Variants in PDS5B observed in about 807,000 individuals in gnomAD.
The protein encoded by PDS5B is PDS5 cohesin associated factor B.
Under a neutral mutation model 184.1 loss-of-function variants are expected in PDS5B, and 51 were observed. The observed-to-expected ratio is 0.28, with a 90% CI of 0.22 to 0.35. The LOEUF is 0.35. Ranked by LOEUF, PDS5B falls within the 10% of genes least tolerant of loss-of-function variation. The pLI is 1.00. For missense variants in PDS5B, 1,180 were observed against 1,723.3 expected (o/e 0.68, Z 5.58); for synonymous variants, 566 against 569.2 (o/e 0.99, Z 0.08).
chr13:32,681,460 TA>T (rs1260454475), intron 10 of PDS5B, among the ~76,000 whole-genome samples: 31 of 152,022 alleles, frequency 2.0e-4, no homozygotes, highest in Admixed American at 2.0e-3. Context: ...CCACCTCTAC[TA>T]AAAAATACAA....
Position 32,776,763 on chromosome 13 carries a change from C to T in PDS5B, c.*1711C>T, listed in dbSNP as rs1191819745. ...TGGAAAATGACATTTTACTATTTGC[C>T]AATGTATATTGCAATTGATGTGATT... On this transcript the variant is annotated 3_prime_UTR_variant, in exon 35 of 35. Coordinates refer to ENST00000315596, the MANE Select transcript of PDS5B (RefSeq NM_015032.4). 2 of 152,428 alleles carry T rather than the reference C, an allele frequency of 1.3e-5. No homozygotes were observed. The highest frequency in any genetic ancestry group is 1.9e-4 in the East Asian group (1 of 5,186). The allele number at this position is 152,428 out of a possible 1,614,324, so 9.4% of individuals were successfully genotyped here.
At chr13:32,641,603 T>C (rs1950091870) in intron 1 of PDS5B, among the ~76,000 whole-genome samples, 1 of 152,184 alleles carries the variant, frequency 6.6e-6, no homozygotes, top group African/African-American at 2.4e-5. Flanking sequence ...ACAATTACTC[T>C]CATTTTTCTA....
chr13:32,683,897 A>G lies in PDS5B; in HGVS notation c.1077A>G (p.Ser359=). The change falls in exon 11 of 35, where the codon TCA becomes TCG. Residue 359 remains serine (S), a synonymous_variant. Transcript: ENST00000315596. The stretch of plus-strand genomic sequence containing the variant: ...TTTCAGAGTATCTTAAAGTGAGGTC[A>G]CATGACCCTGAGGAAGCTATTAGAC... ...KDLTEYLKVR[S]HDPEEAIRHD... 6.3e-7 allele frequency: 1 copy of G among 1,597,268 alleles called. No individual in the cohort carries two copies. Among genetic ancestry groups the G allele is most frequent in the Non-Finnish European group, 8.6e-7 (1 of 1,168,228 alleles).
chr13:32,769,254 C>A (rs59848759), intron 31 of PDS5B, among the ~76,000 whole-genome samples: 1 of 152,104 alleles, frequency 6.6e-6, no homozygotes, highest in East Asian at 1.9e-4. Flanking sequence ...ACAAAGGACA[C>A]AATACGAAGG....
intron 23 of PDS5B, among the ~76,000 whole-genome samples, chr13:32,745,641 G>A (rs1007442044): frequency 4.6e-5 from 7 of 152,208 alleles, no homozygotes; most frequent in African/African-American, 1.7e-4. Flanking sequence ...TTCTGGTGAG[G>A]GCCCTCTCCA....
At chr13:32,720,897 C>T (rs1047107276) in intron 19 of PDS5B, among the ~76,000 whole-genome samples, 129 of 152,106 alleles carry the variant, frequency 8.5e-4, no homozygotes, top group Non-Finnish European at 1.1e-3. Context: ...CATCTTGCAC[C>T]GCCCTTAATC....
intron 21 of PDS5B, among the ~76,000 whole-genome samples, chr13:32,736,935 ACTT>A (rs1953351860): frequency 6.6e-6 from 1 of 152,050 alleles, no homozygotes; most frequent in African/African-American, 2.4e-5. Context: ...ATATACACAT[ACTT>A]CAATTCTGTA....
intron 14 of PDS5B, among the ~76,000 whole-genome samples, chr13:32,695,120 C>T (rs1951665307): frequency 6.6e-6 from 1 of 151,752 alleles, no homozygotes. Flanking sequence ...TCAAAAAACT[C>T]ACACCATTTG....
rs1566324190 is a variant in PDS5B at position 32,684,032 on chromosome 13, GAATA to G, written c.1203+15_1203+18del. On this transcript the variant is annotated intron_variant, in intron 11 of 34. Transcript: ENST00000315596. Reference sequence around the variant, plus strand: ...GAACATTAGACAAACGAGTAAGTATGAATAAATAATTATTACTAAGTTTTCATTT... The same window carrying G: ...GAACATTAGACAAACGAGTAAGTATGAATAATTATTACTAAGTTTTCATTT... The G allele has an allele frequency of 6.5e-6, 9 of 1,381,024 alleles. No individual in the cohort carries two copies. Among genetic ancestry groups the G allele is most frequent in the Non-Finnish European group, 8.9e-6 (9 of 1,006,212 alleles). 85.5% of individuals were successfully genotyped at this position (1,381,024 alleles called of 1,614,324 possible). A position where few individuals can be genotyped will look rare whatever the true frequency, so the allele number is the denominator to read the frequency against.
At chr13:32,694,398 T>C in intron 14 of PDS5B, 94 bp downstream of exon 14, 1 of 797,906 alleles carries the variant, frequency 1.3e-6, no homozygotes, top group Non-Finnish European at 2.1e-6. Context: ...ATTCTTTCTG[T>C]TTGCAAAAGT....
chr13:32,702,159 A>G (rs1186786999), intron 17 of PDS5B, among the ~76,000 whole-genome samples: 1 of 152,164 alleles, frequency 6.6e-6, no homozygotes, highest in African/African-American at 2.4e-5. Context: ...AATAATACTA[A>G]TGATTTTTTC....
chr13:32,728,467 G>A (rs1427867493), intron 19 of PDS5B, among the ~76,000 whole-genome samples: 5 of 140,092 alleles, frequency 3.6e-5, no homozygotes, highest in Admixed American at 7.6e-5. Context: ...TAACACGATT[G>A]AGGATCATTA....
intron 10 of PDS5B, among the ~76,000 whole-genome samples, chr13:32,680,119 T>C (rs866283077): frequency 6.6e-6 from 1 of 152,212 alleles, no homozygotes; most frequent in South Asian, 2.1e-4. Context: ...TGTCTTTTTT[T>C]CCATGTTAAA....
intron 1 of PDS5B, among the ~76,000 whole-genome samples, chr13:32,632,352 A>T (rs927290402): frequency 2.6e-5 from 4 of 152,236 alleles, no homozygotes; most frequent in African/African-American, 9.6e-5. Context: ...AAAGTGAGCA[A>T]TGATCTTGAA....
rs1211680427 is a variant in PDS5B, at chr13:32,742,802, GTTTCTT to G, written c.2612+85_2612+90del. On this transcript the variant is annotated intron_variant, in intron 23 of 34. Coordinates refer to ENST00000315596, the MANE Select transcript of PDS5B (RefSeq NM_015032.4). ...CTTGGTGTAACTGTTCAATGGTGCT[GTTTCTT>G]TTTCTTTTTTTTTTAAATTAGAATT... 4.2e-5 allele frequency: 54 copies of G among 1,287,212 alleles called. No homozygotes were observed. In the East Asian group the frequency reaches 1.2e-3, roughly 28 times the overall value. The allele number at this position is 1,287,212 out of a possible 1,614,324, so 79.7% of individuals were successfully genotyped here.
intron 2 of PDS5B, chr13:32,649,940 T>A (rs1229553481): frequency 6.6e-6 from 1 of 152,196 alleles, no homozygotes; most frequent in Non-Finnish European, 1.5e-5. Flanking sequence ...TGTATTTACC[T>A]TCTCTTGACC....
rs138344613 is a variant in PDS5B, at chr13:32,623,419, C to T, written c.-19-25335C>T. On this transcript the variant is annotated intron_variant, in intron 1 of 34. Transcript: ENST00000315596. Reference sequence around the variant, plus strand: ...AATTCTAAGCTTGTGGCCTTGTGTTCGTTATACAAAGTCGGTTTTAGTCCC... The same window carrying T: ...AATTCTAAGCTTGTGGCCTTGTGTTTGTTATACAAAGTCGGTTTTAGTCCC... Among the ~76,000 whole-genome samples, 391 of 152,194 alleles carry T rather than the reference C, an allele frequency of 2.6e-3. 1 individual carries two copies. Among genetic ancestry groups the T allele is most frequent in the African/African-American group, 8.5e-3 (354 of 41,534 alleles).
At chr13:32,746,612 G>T (rs1190961403) in intron 24 of PDS5B, among the ~76,000 whole-genome samples, 1 of 152,194 alleles carries the variant, frequency 6.6e-6, no homozygotes, top group African/African-American at 2.4e-5. Flanking sequence ...CCAGACAGCA[G>T]TTCATCGCTA....
chr13:32,698,731 A>G (rs936180524), intron 15 of PDS5B, among the ~76,000 whole-genome samples: 7 of 150,752 alleles, frequency 4.6e-5, no homozygotes, highest in African/African-American at 1.7e-4. Flanking sequence ...AATTTCTACT[A>G]CTATTTCGAT....
Sources: gnomAD v4.1 joint callset for allele counts (sites outside exome capture counted in the v4.1 genomes callset) on GRCh38, gnomAD v4.1.1 for gene constraint, MANE v1.5 for transcripts, NCBI Gene and HGNC (gene_info 2026-07-23, HGNC 2026-07-21) for gene names.